NPTN: variants seen among roughly 807,000 people sequenced by gnomAD.
NPTN encodes the protein SDR-1.
NPTN carries 5 observed loss-of-function variants against 42.7 expected under a neutral mutation model. The ratio of observed to expected loss-of-function variants is 0.12; its 90% CI spans 0.06 to 0.25. NPTN has a LOEUF of 0.25. Among genes scored for constraint, NPTN ranks in the 10% least tolerant of loss-of-function variants. The pLI is 1.00. For missense variants in NPTN, 307 were observed against 525.4 expected, an observed-to-expected ratio of 0.58 and a Z score of 4.06; for synonymous variants, 180 against 201.9, an observed-to-expected ratio of 0.89 and a Z score of 0.92.
At chr15:73,594,951 TAAAAAAA>T (rs770131038) in intron 2 of NPTN, among the ~76,000 whole-genome samples, 1 of 128,906 alleles carries the variant, frequency 7.8e-6, no homozygotes, top group African/African-American at 2.8e-5. Context: ...CAGGGTGTTT[TAAAAAAA>T]AAAAAAAAAA....
intron 1 of NPTN, among the ~76,000 whole-genome samples, chr15:73,621,360 C>T (rs751999867): frequency 4.6e-5 from 7 of 152,184 alleles, no homozygotes; most frequent in African/African-American, 9.7e-5. Context: ...TTGAAATAAT[C>T]TGGCCTTTCT....
chr15:73,560,070 A>C lies in NPTN; in HGVS notation c.*993T>G, dbSNP rs999654894. ...AGGTGAATCCACTTTTTTATACATC[A>C]TTGCACTTCAATAATTACACAAAAC... On this transcript the variant is annotated 3_prime_UTR_variant, in exon 9 of 9. Coordinates refer to ENST00000345330, the MANE Select transcript of NPTN (RefSeq NM_012428.4). The C allele has an allele frequency of 3.8e-5, 23 of 601,788 alleles. No individual in the cohort carries two copies. The East Asian group carries it at 7.7e-4, about 20-fold the overall frequency. 37.3% of individuals were successfully genotyped at this position (601,788 alleles called of 1,614,324 possible).
At position 73,605,104 on chromosome 15, in the gene NPTN, G is replaced by T. The variant is rs116897054; in HGVS notation, c.92-7735C>A. Among the ~76,000 whole-genome samples the T allele has an allele frequency of 2.6e-3, 380 of 146,058 alleles. 22 individuals carry two copies. The East Asian group carries it at 0.066, about 25-fold the overall frequency. ...AGAGTAGAGACCCTGTCTCAAGGGG[G>T]GGGGGGGAAAAGAATGATCTAAACT... On this transcript the variant is annotated intron_variant, in intron 1 of 8. Transcript: ENST00000345330.
chr15:73,627,555 C>G (rs1383338286), intron 1 of NPTN, among the ~76,000 whole-genome samples: 1 of 152,118 alleles, frequency 6.6e-6, no homozygotes, highest in Non-Finnish European at 1.5e-5. Flanking sequence ...AATTTACATA[C>G]GTAGGAAATT....
intron 2 of NPTN, 50 bp downstream of exon 2, chr15:73,596,972 G>A: frequency 1.4e-6 from 2 of 1,450,310 alleles, no homozygotes; most frequent in Non-Finnish European, 1.9e-6. Flanking sequence ...AAGGGTCATT[G>A]GGCCACCTCT....
At chr15:73,562,690 T>A (rs1374256262) in intron 7 of NPTN, among the ~76,000 whole-genome samples, 1 of 152,224 alleles carries the variant, frequency 6.6e-6, no homozygotes, top group African/African-American at 2.4e-5. Context: ...GCTAGACAGT[T>A]TATCCAGGCT....
In NPTN at chr15:73,570,151, G is replaced by C. The variant is rs749543703; in HGVS notation, c.1113C>G (p.Asp371Glu). Residue 371 changes from aspartate to glutamate, a missense_variant and splice_region_variant, in exon 6 of 9, where the codon GAC (aspartate) becomes GAG (glutamate). By Grantham distance (45) the Asp-to-Glu change is conservative (BLOSUM62 2). Around this residue, in one of 2 missense-constraint regions of NPTN, gnomAD observed 264 missense variants for 491.1 expected, o/e 0.54. Transcript: ENST00000345330. This position sits in a 1 kb window ranked among gnomAD's most constrained non-coding sequence, Gnocchi z 4.0. ...EKRKRPDEVPDDDEPAGPMKT... is the reference protein window; with the variant it reads ...EKRKRPDEVPEDDEPAGPMKT... Reference sequence around the variant, plus strand: ...GCTATTTTGTAGGGATGCTCTTACCGTCAGGAACCTCATCTGGCCTCTTCC... The same window carrying C: ...GCTATTTTGTAGGGATGCTCTTACCCTCAGGAACCTCATCTGGCCTCTTCC... The C allele has an allele frequency of 6.2e-7, 1 of 1,603,888 alleles. No individual in the cohort carries two copies. The highest frequency in any genetic ancestry group is 8.5e-7 in the Non-Finnish European group (1 of 1,173,052).
rs55815192 is a variant in NPTN, at chr15:73,584,764, T to TAAAA, written c.706+2756_706+2759dup. ...TTATACTATGCCACATTGTGTCCTTTAAAAAAAAAAAAAAAAAAAAGGGAG... is the reference window on the plus strand; with the variant it reads ...TTATACTATGCCACATTGTGTCCTTTAAAAAAAAAAAAAAAAAAAAAAAAGGGAG... On this transcript the variant is annotated intron_variant, in intron 4 of 8. Transcript: ENST00000345330. Among the ~76,000 whole-genome samples the TAAAA allele has an allele frequency of 6.5e-5, 8 of 122,892 alleles. No individual in the cohort carries two copies. The East Asian group carries it at 9.1e-4, about 14-fold the overall frequency. The allele number at this position is 122,892 out of a possible 152,430, so 80.6% of individuals were successfully genotyped here.
At chr15:73,596,042 G>A (rs2141407960) in intron 2 of NPTN, among the ~76,000 whole-genome samples, 1 of 152,328 alleles carries the variant, frequency 6.6e-6, no homozygotes, top group Middle Eastern at 3.4e-3. Context: ...CACTATGTCT[G>A]GAGTTCCCAT....
intron 1 of NPTN, among the ~76,000 whole-genome samples, chr15:73,625,828 A>G (rs1227072967): frequency 6.6e-6 from 1 of 152,216 alleles, no homozygotes; most frequent in Non-Finnish European, 1.5e-5. Context: ...ACAGGGGTTT[A>G]TTCATTACTT....
intron 4 of NPTN, among the ~76,000 whole-genome samples, chr15:73,582,523 C>A (rs1210660869): frequency 6.6e-6 from 1 of 152,194 alleles, no homozygotes; most frequent in Admixed American, 6.5e-5. Flanking sequence ...CCTCCTTCTG[C>A]AGGTGAAACC....
chr15:73,573,917 T>C, intron 4 of NPTN, 122 bp from the exon 5 acceptor site: 3 of 1,256,036 alleles, frequency 2.4e-6, no homozygotes, highest in Non-Finnish European at 3.2e-6. Context: ...ACTGTCATAC[T>C]CAGCTTTGAT....
At chr15:73,619,172 A>G (rs1371733268) in intron 1 of NPTN, among the ~76,000 whole-genome samples, 2 of 152,196 alleles carry the variant, frequency 1.3e-5, no homozygotes, top group Non-Finnish European at 2.9e-5. Context: ...GAGGAAAACA[A>G]AGAGGGACAA....
Position 73,569,315 on chromosome 15 carries a change from C to G in NPTN, c.1114+835G>C, listed in dbSNP as rs1309535076. The G allele has an allele frequency of 1.0e-6, 1 of 985,438 alleles. No individual in the cohort carries two copies. The highest frequency in any genetic ancestry group is 1.2e-6 in the Non-Finnish European group (1 of 830,026). The allele number at this position is 985,438 out of a possible 1,614,324, so 61.0% of individuals were successfully genotyped here. A position where few individuals can be genotyped will look rare whatever the true frequency, so the allele number is the denominator to read the frequency against. On this transcript the variant is annotated intron_variant, in intron 6 of 8. Transcript: ENST00000345330. The surrounding 1 kb of genome is among the most constrained non-coding windows in gnomAD (Gnocchi z 4.1). Reference sequence around the variant, plus strand: ...AGGAAAAATCGATCACCAAAAATTTCCCAAGGCTTTTCTGACTCTAGGCAT... The same window carrying G: ...AGGAAAAATCGATCACCAAAAATTTGCCAAGGCTTTTCTGACTCTAGGCAT...
At chr15:73,620,767 A>C (rs1045599300) in intron 1 of NPTN, among the ~76,000 whole-genome samples, 2 of 152,254 alleles carry the variant, frequency 1.3e-5, no homozygotes, top group Non-Finnish European at 2.9e-5. Flanking sequence ...TCACCTTTTC[A>C]GAAAATCACA....
At chr15:73,630,567 A>G (rs1898683089) in intron 1 of NPTN, among the ~76,000 whole-genome samples, 1 of 152,240 alleles carries the variant, frequency 6.6e-6, no homozygotes, top group Non-Finnish European at 1.5e-5. Flanking sequence ...GAGCTTCAAG[A>G]GACCTTGAGA....
intron 3 of NPTN, chr15:73,591,533 T>G (rs1425920896): frequency 6.5e-6 from 1 of 153,336 alleles, no homozygotes. Flanking sequence ...TAAAAGGGAA[T>G]TCACAGGAAA....
intron 1 of NPTN, among the ~76,000 whole-genome samples, chr15:73,627,448 A>C (rs1467948448): frequency 1.3e-5 from 2 of 152,180 alleles, no homozygotes; most frequent in African/African-American, 4.8e-5. Flanking sequence ...AACAGATAAC[A>C]CTCAGTTTAT....
intron 1 of NPTN, among the ~76,000 whole-genome samples, chr15:73,612,808 A>T (rs1448931903): frequency 1.3e-5 from 2 of 152,150 alleles, no homozygotes; most frequent in African/African-American, 4.8e-5. Flanking sequence ...TCAGACTTCA[A>T]CTAGGCTATC....
Sources: allele counts gnomAD v4.1 joint callset (sites outside exome capture counted in the v4.1 genomes callset), GRCh38; gene constraint gnomAD v4.1.1; regional missense constraint gnomAD v4.1.1; non-coding constraint Gnocchi (gnomAD v3.1); transcripts MANE v1.5; gene names NCBI Gene and HGNC (gene_info 2026-07-23, HGNC 2026-07-21).